IQGAP1: variants seen among roughly 807,000 people sequenced by gnomAD.
IQGAP1 encodes the protein ras GTPase-activating-like protein IQGAP1.
Under a neutral mutation model 215.6 loss-of-function variants are expected in IQGAP1, and 66 were observed. The ratio of observed to expected loss-of-function variants is 0.31; its 90% CI spans 0.25 to 0.38. IQGAP1 has a LOEUF of 0.38. IQGAP1 is among the 10% of genes least tolerant of loss of function. The probability of loss-of-function intolerance (pLI) is 1.00; values close to 1 mark genes in which losing one functional copy is unlikely to be tolerated. For synonymous variants in IQGAP1, 772 were observed against 728.7 expected (o/e 1.06, Z -0.96); for missense variants, 1,712 against 1,997.1 (o/e 0.86, Z 2.72).
intron 14 of IQGAP1, 126 bp from the exon 15 acceptor site, chr15:90,456,026 G>A (rs1291736662): frequency 4.3e-6 from 3 of 703,868 alleles, no homozygotes; most frequent in African/African-American, 3.6e-5. Flanking sequence ...TTAACGGATG[G>A]TAAGTTGCAG....
chr15:90,485,997 T>C (rs1176697253), intron 30 of IQGAP1, 33 bp from the exon 31 acceptor site: 1 of 1,510,102 alleles, frequency 6.6e-7, no homozygotes, highest in Admixed American at 1.7e-5. Flanking sequence ...AAGAGTTGAA[T>C]GTATAAATGG....
chr15:90,497,477 A>G (rs987690418), intron 37 of IQGAP1, 137 bp downstream of exon 37: 67 of 584,516 alleles, frequency 1.1e-4, no homozygotes, highest in Non-Finnish European at 1.2e-4. Context: ...CTGCGGGGAA[A>G]GAAGCTGAGG....
chr15:90,390,121 T>G (rs1302264018), intron 1 of IQGAP1, among the ~76,000 whole-genome samples: 1 of 152,160 alleles, frequency 6.6e-6, no homozygotes, highest in African/African-American at 2.4e-5. Context: ...CCAAAAATAG[T>G]TGGGACCAGA....
At chr15:90,448,945 G>A (rs1010879802) in intron 10 of IQGAP1, among the ~76,000 whole-genome samples, 1 of 151,984 alleles carries the variant, frequency 6.6e-6, no homozygotes, top group African/African-American at 2.4e-5. Context: ...CCTCTTTTAA[G>A]ATAAACAGAC....
At chr15:90,484,700 G>A (rs1344590860) in intron 30 of IQGAP1, among the ~76,000 whole-genome samples, 1 of 152,030 alleles carries the variant, frequency 6.6e-6, no homozygotes, top group Non-Finnish European at 1.5e-5. Context: ...TGGTAGAGAC[G>A]GGGTTTCACT....
rs984534849 is a variant in IQGAP1, at chr15:90,390,800, G to A, written c.82G>A (p.Ala28Thr). 6.2e-7 allele frequency: 1 copy of A among 1,612,300 alleles called. No individual in the cohort carries two copies. Among genetic ancestry groups the A allele is most frequent in the Non-Finnish European group, 8.5e-7 (1 of 1,178,370 alleles). The change falls in exon 2 of 38, where the codon GCA (alanine) becomes ACA (threonine). Residue 28 changes from alanine (A) to threonine (T), a missense_variant. Ala to Thr is a moderately conservative substitution (Grantham distance 58, BLOSUM62 0). Coordinates refer to ENST00000268182, the MANE Select transcript of IQGAP1 (RefSeq NM_003870.4). Reference sequence around the variant, plus strand: ...TGTCCTGGATAATGAAAGACTTACTGCAGAGGAGATGGATGAAAGGAGACG... The same window carrying A: ...TGTCCTGGATAATGAAAGACTTACTACAGAGGAGATGGATGAAAGGAGACG... Reference protein sequence around the residue: ...GSVLDNERLTAEEMDERRRQN... With the variant: ...GSVLDNERLTTEEMDERRRQN...
chr15:90,394,040 C>G (rs937885079), intron 2 of IQGAP1, among the ~76,000 whole-genome samples: 36 of 148,898 alleles, frequency 2.4e-4, no homozygotes, highest in Non-Finnish European at 4.4e-4. Flanking sequence ...GAGGCTGAGG[C>G]AGGAGAATTG....
At chr15:90,454,778 A>T (rs1965656045) in intron 14 of IQGAP1, among the ~76,000 whole-genome samples, 1 of 152,212 alleles carries the variant, frequency 6.6e-6, no homozygotes, top group South Asian at 2.1e-4. Context: ...TGAATTGAAC[A>T]TGATCTGTTA....
intron 5 of IQGAP1, among the ~76,000 whole-genome samples, chr15:90,435,333 A>G (rs552931366): frequency 1.3e-5 from 2 of 152,264 alleles, no homozygotes; most frequent in East Asian, 3.9e-4. Context: ...AAAATTAGCT[A>G]GGCATGGTGG....
intron 30 of IQGAP1, among the ~76,000 whole-genome samples, chr15:90,485,566 A>C (rs1389391360): frequency 6.6e-6 from 1 of 152,020 alleles, no homozygotes; most frequent in Non-Finnish European, 1.5e-5. Flanking sequence ...CAGCCTCCCT[A>C]GTAGCTGGGA....
At chr15:90,452,499 C>T (rs905964868) in intron 11 of IQGAP1, among the ~76,000 whole-genome samples, 3 of 152,068 alleles carry the variant, frequency 2.0e-5, no homozygotes, top group African/African-American at 7.2e-5. Flanking sequence ...GTAGTGGTAG[C>T]ATATAGGATG....
chr15:90,424,050 C>T (rs1045393218), intron 2 of IQGAP1, among the ~76,000 whole-genome samples: 4 of 149,458 alleles, frequency 2.7e-5, no homozygotes, highest in Admixed American at 6.7e-5. Flanking sequence ...GGTACTGTTA[C>T]GTGCTTGAGG....
At chr15:90,466,930 A>G (rs1965840959) in intron 17 of IQGAP1, among the ~76,000 whole-genome samples, 1 of 152,142 alleles carries the variant, frequency 6.6e-6, no homozygotes, top group Non-Finnish European at 1.5e-5. Flanking sequence ...TGTCTCTACT[A>G]AAAATACAAA....
intron 2 of IQGAP1, among the ~76,000 whole-genome samples, chr15:90,416,538 C>T (rs566506535): frequency 1.5e-4 from 22 of 151,562 alleles, no homozygotes; most frequent in African/African-American, 5.3e-4. Flanking sequence ...AAAAGTGTTC[C>T]TATTTCTCCA....
chr15:90,440,318 GACT>G (rs1567126834), intron 6 of IQGAP1, among the ~76,000 whole-genome samples, 181 bp from the exon 7 acceptor site: 1 of 152,190 alleles, frequency 6.6e-6, no homozygotes, highest in Non-Finnish European at 1.5e-5. Context: ...AATAACGTTT[GACT>G]ACATTTTATA....
chr15:90,406,524 A>G (rs149095335), intron 2 of IQGAP1, among the ~76,000 whole-genome samples: 2,270 of 152,370 alleles, frequency 0.015, 29 homozygotes, highest in Non-Finnish European at 0.023. Context: ...GTTGTACAAC[A>G]TTGTGAATAT....
chr15:90,474,874 A>G, intron 23 of IQGAP1, 181 bp downstream of exon 23: 3 of 574,006 alleles, frequency 5.2e-6, no homozygotes, highest in South Asian at 2.1e-5. Flanking sequence ...GTGCGATGTG[A>G]TCTCAGCTCA....
intron 5 of IQGAP1, 128 bp from the exon 6 acceptor site, chr15:90,439,204 G>T: frequency 1.8e-6 from 1 of 543,798 alleles, no homozygotes; most frequent in Non-Finnish European, 3.3e-6. Flanking sequence ...AAAGGAGACT[G>T]TCGTAGGTAC....
Position 90,444,230 on chromosome 15 carries a change from A to G in IQGAP1, c.913+752A>G, listed in dbSNP as rs1010214692. ...ATAATCATTACTGGCATTTTTTTGT[A>G]TGTCCTTCAAAACTGTGTGTGTGTG... On this transcript the variant is annotated intron_variant, in intron 9 of 37. Transcript: ENST00000268182. Among the ~76,000 whole-genome samples the G allele has an allele frequency of 2.1e-5, 3 of 144,696 alleles. No individual in the cohort carries two copies. In the East Asian group the frequency reaches 6.0e-4, roughly 29 times the overall value. The allele number at this position is 144,696 out of a possible 152,430, so 94.9% of individuals were successfully genotyped here. A position where few individuals can be genotyped will look rare whatever the true frequency, so the allele number is the denominator to read the frequency against.
Sources: gnomAD v4.1 joint callset for allele counts (sites outside exome capture counted in the v4.1 genomes callset) on GRCh38, gnomAD v4.1.1 for gene constraint, MANE v1.5 for transcripts, NCBI Gene and HGNC (gene_info 2026-07-23, HGNC 2026-07-21) for gene names.